The following NFIA variants were observed in gnomAD, a reference collection of about 807,000 sequenced individuals.
NFIA encodes the protein nuclear factor 1 A-type.
A neutral mutation model predicts 62.8 loss-of-function variants in NFIA; 8 were observed. The ratio of observed to expected loss-of-function variants is 0.13; its 90% CI spans 0.07 to 0.23. The LOEUF (loss-of-function observed/expected upper bound fraction) is 0.23, where lower values mean the gene tolerates loss of function less well. Among genes scored for constraint, NFIA ranks in the 10% least tolerant of loss-of-function variants. The pLI is 1.00. For synonymous variants in NFIA, 235 were observed against 238.1 expected, an observed-to-expected ratio of 0.99 and a Z score of 0.12; for missense variants, 410 against 642.1, an observed-to-expected ratio of 0.64 and a Z score of 3.91.
chr1:61,190,409 G>C (rs1428148515), intron 2 of NFIA, among the ~76,000 whole-genome samples: 1 of 152,200 alleles, frequency 6.6e-6, no homozygotes, highest in Non-Finnish European at 1.5e-5. Context: ...ATTCCTGGAA[G>C]CCAGGCCATG....
rs560415801 is a variant in NFIA, at chr1:61,120,068, T to C, written c.559+31388T>C. Reference sequence around the variant, plus strand: ...ATCAAGGCCAAGGTAAAGGGATTCATTCCCCCTTCTTGAATTTTATGGTTT... The same window carrying C: ...ATCAAGGCCAAGGTAAAGGGATTCACTCCCCCTTCTTGAATTTTATGGTTT... On this transcript the variant is annotated intron_variant, in intron 2 of 10. Transcript: ENST00000403491. 2.6e-5 allele frequency among the ~76,000 whole-genome samples: 4 copies of C among 152,336 alleles called. No individual in the cohort carries two copies. In the East Asian group the frequency reaches 7.7e-4, roughly 29 times the overall value.
At chr1:61,162,919 A>G (rs1649317724) in intron 2 of NFIA, among the ~76,000 whole-genome samples, 1 of 151,292 alleles carries the variant, frequency 6.6e-6, no homozygotes, top group Non-Finnish European at 1.5e-5. Flanking sequence ...AAGATCTTTT[A>G]TCTTGTGTCA....
rs893784765 is a variant in NFIA, at chr1:61,460,502, G to A, written c.*5182G>A. ...TGCTTTCCAACAGTGTAAATGCATA[G>A]CAGTGTTTATCTGCATGAGAACTAT... On this transcript the variant is annotated 3_prime_UTR_variant, in exon 11 of 11. Transcript: ENST00000403491. 1 of 152,202 alleles carries A rather than the reference G, an allele frequency of 6.6e-6. No individual in the cohort carries two copies. The highest frequency in any genetic ancestry group is 1.5e-5 in the Non-Finnish European group (1 of 68,038). 9.4% of individuals were successfully genotyped at this position (152,202 alleles called of 1,614,324 possible).
intron 2 of NFIA, among the ~76,000 whole-genome samples, chr1:61,107,281 C>T (rs562847595): frequency 1.8e-4 from 27 of 151,528 alleles, no homozygotes; most frequent in African/African-American, 4.8e-4. Context: ...CCTGTTTATA[C>T]GATCACTCGC....
At chr1:61,164,046 G>C (rs1649400653) in intron 2 of NFIA, among the ~76,000 whole-genome samples, 1 of 152,176 alleles carries the variant, frequency 6.6e-6, no homozygotes, top group South Asian at 2.1e-4. Context: ...TGAGAATGCT[G>C]TTGGCTGCAA....
At chr1:61,321,882 T>G (rs1660697254) in intron 3 of NFIA, among the ~76,000 whole-genome samples, 1 of 152,188 alleles carries the variant, frequency 6.6e-6, no homozygotes, top group Admixed American at 6.5e-5. Context: ...ACTCATGAAC[T>G]TTCTTTCTAT....
intron 10 of NFIA, among the ~76,000 whole-genome samples, chr1:61,435,612 T>A (rs1013777854): frequency 3.7e-4 from 56 of 152,284 alleles, no homozygotes; most frequent in African/African-American, 1.3e-3. Context: ...CTGTGCACCC[T>A]GCTAGCAAAT....
chr1:61,308,563 A>C (rs1299793763), intron 3 of NFIA, among the ~76,000 whole-genome samples: 5 of 152,206 alleles, frequency 3.3e-5, no homozygotes, highest in African/African-American at 1.2e-4. Context: ...GCAGTTTTGC[A>C]TAAAGGCAAA....
upstream of NFIA, among the ~76,000 whole-genome samples, chr1:61,078,311 TCTTC>T (rs1467442404): frequency 2.0e-5 from 3 of 152,062 alleles, no homozygotes; most frequent in Non-Finnish European, 4.4e-5. Flanking sequence ...TCGTGTGCCT[TCTTC>T]CTTGTCTTTT....
At chr1:61,338,885 C>A (rs1417461466) in intron 4 of NFIA, among the ~76,000 whole-genome samples, 1 of 152,184 alleles carries the variant, frequency 6.6e-6, no homozygotes, top group Admixed American at 6.5e-5. Flanking sequence ...AACACGATAG[C>A]TGTGATCATT....
intron 2 of NFIA, among the ~76,000 whole-genome samples, chr1:61,186,791 C>G (rs1651214849): frequency 6.6e-6 from 1 of 152,166 alleles, no homozygotes; most frequent in East Asian, 1.9e-4. Flanking sequence ...TCATTTAATC[C>G]TTACAGCAAC....
At chr1:61,173,578 T>G (rs528348193) in intron 2 of NFIA, among the ~76,000 whole-genome samples, 36 of 152,172 alleles carry the variant, frequency 2.4e-4, no homozygotes, top group African/African-American at 7.0e-4. Context: ...TTAATAGAGA[T>G]AAGGTTTCAC....
At chr1:61,359,455 A>G (rs959046001) in intron 6 of NFIA, among the ~76,000 whole-genome samples, 181 bp downstream of exon 6, 3 of 152,262 alleles carry the variant, frequency 2.0e-5, no homozygotes, top group Non-Finnish European at 4.4e-5. Context: ...TGTGCAAAGC[A>G]GTAGTAATTC....
At chr1:61,394,177 C>G (rs962698413) in intron 7 of NFIA, among the ~76,000 whole-genome samples, 2 of 152,048 alleles carry the variant, frequency 1.3e-5, no homozygotes, top group Non-Finnish European at 2.9e-5. Context: ...TTTCTTACCC[C>G]CCTCTGCCCC....
At chr1:61,308,388 T>G (rs1024830218) in intron 3 of NFIA, among the ~76,000 whole-genome samples, 1 of 152,212 alleles carries the variant, frequency 6.6e-6, no homozygotes, top group Non-Finnish European at 1.5e-5. Flanking sequence ...AAAAATTGCT[T>G]AAGGTCTCAT....
intron 3 of NFIA, among the ~76,000 whole-genome samples, chr1:61,327,714 G>A (rs563540465): frequency 6.6e-6 from 1 of 152,048 alleles, no homozygotes; most frequent in East Asian, 1.9e-4. Flanking sequence ...GATTTGTGTG[G>A]CAGTAAACAT....
chr1:61,384,891 A>G (rs968348420), intron 7 of NFIA, among the ~76,000 whole-genome samples: 1 of 152,152 alleles, frequency 6.6e-6, no homozygotes, highest in African/African-American at 2.4e-5. Flanking sequence ...GTCCTCATAG[A>G]GCATGTTATC....
intron 3 of NFIA, among the ~76,000 whole-genome samples, chr1:61,288,066 G>A (rs1457228997): frequency 6.6e-6 from 1 of 152,160 alleles, no homozygotes; most frequent in African/African-American, 2.4e-5. Flanking sequence ...ACAGTCAATA[G>A]GTACAATATA....
chr1:61,263,170 C>T (rs1656876264), intron 2 of NFIA, among the ~76,000 whole-genome samples: 1 of 152,130 alleles, frequency 6.6e-6, no homozygotes, highest in Non-Finnish European at 1.5e-5. Context: ...TATCTTCTTT[C>T]CTAGTAACCA....
Sources: allele counts gnomAD v4.1 joint callset (sites outside exome capture counted in the v4.1 genomes callset), GRCh38; gene constraint gnomAD v4.1.1; transcripts MANE v1.5; gene names NCBI Gene and HGNC (gene_info 2026-07-23, HGNC 2026-07-21).